The following RABGAP1L variants were observed in gnomAD, a reference collection of about 807,000 sequenced individuals.
The protein encoded by RABGAP1L is RAB GTPase activating protein 1 like, also known as rab GTPase-activating protein 1-like.
In RABGAP1L, 63 loss-of-function variants were observed where a neutral mutation model predicts 137.7. The ratio of observed to expected loss-of-function variants is 0.46; its 90% CI spans 0.37 to 0.56. The LOEUF (loss-of-function observed/expected upper bound fraction) is 0.56. Among genes scored for constraint, RABGAP1L ranks in the 20% least tolerant of loss-of-function variants. The probability of loss-of-function intolerance (pLI) is 0.00; values close to 1 mark genes in which losing one functional copy is unlikely to be tolerated. For missense variants in RABGAP1L, 1,095 were observed against 1,244.0 expected (o/e 0.88, Z 1.80); for synonymous variants, 431 against 433.7 (o/e 0.99, Z 0.08).
chr1:174,432,043 G>T (rs1445674695), intron 13 of RABGAP1L, among the ~76,000 whole-genome samples: 1 of 152,250 alleles, frequency 6.6e-6, no homozygotes, highest in East Asian at 1.9e-4. Context: ...GAGGTTTGGG[G>T]TATGGTTGAT....
chr1:174,702,055 C>G, intron 16 of RABGAP1L, 58 bp from the exon 17 acceptor site: 1 of 1,521,952 alleles, frequency 6.6e-7, no homozygotes. Flanking sequence ...GTGGCAGGAA[C>G]TTCATTGTTC....
At chr1:174,365,253 G>A (rs958570810) in intron 11 of RABGAP1L, 4 of 152,306 alleles carry the variant, frequency 2.6e-5, no homozygotes, top group African/African-American at 9.6e-5. Context: ...AATTGTAGGA[G>A]AACACCCGTT....
chr1:174,193,269 C>T (rs1242783038), intron 1 of RABGAP1L, among the ~76,000 whole-genome samples: 2 of 152,330 alleles, frequency 1.3e-5, no homozygotes, highest in East Asian at 1.9e-4. Context: ...CGGTGGCTCA[C>T]GCCTGTAATC....
intron 13 of RABGAP1L, among the ~76,000 whole-genome samples, chr1:174,422,052 A>G (rs1034951568): frequency 6.6e-6 from 1 of 152,118 alleles, no homozygotes; most frequent in Admixed American, 6.6e-5. Flanking sequence ...TACAGGTGTG[A>G]GCCAACACGC....
chr1:174,448,998 C>T lies in RABGAP1L; in HGVS notation c.1710+54853C>T. ...GAAAGCTCCCGGGTCTTGGACAATC[C>T]AACTCTGTCCTTCTTAACAACCTGG... On this transcript the variant is annotated intron_variant, in intron 13 of 25. Transcript: ENST00000681986. This position sits in a 1 kb window ranked among gnomAD's most constrained non-coding sequence, Gnocchi z 4.2. The T allele has an allele frequency of 6.2e-7, 1 of 1,613,066 alleles. No individual in the cohort carries two copies. Among genetic ancestry groups the T allele is most frequent in the East Asian group, 2.2e-5 (1 of 44,886 alleles).
At chr1:174,477,990 A>T (rs1266860238) in intron 13 of RABGAP1L, among the ~76,000 whole-genome samples, 1 of 152,116 alleles carries the variant, frequency 6.6e-6, no homozygotes, top group Non-Finnish European at 1.5e-5. Context: ...TAAACTAGTA[A>T]TAAGTTTTAT....
At chr1:174,192,882 C>A (rs1667310719) in intron 1 of RABGAP1L, among the ~76,000 whole-genome samples, 1 of 152,194 alleles carries the variant, frequency 6.6e-6, no homozygotes, top group Non-Finnish European at 1.5e-5. Flanking sequence ...CCTGACAATG[C>A]TGTCGTTACT....
At chr1:174,955,807 C>T (rs1307574174) in intron 19 of RABGAP1L, among the ~76,000 whole-genome samples, 1 of 152,136 alleles carries the variant, frequency 6.6e-6, no homozygotes, top group Non-Finnish European at 1.5e-5. Context: ...ATAGGCTAGG[C>T]ACAGTGGCTC....
chr1:174,637,545 C>G (rs926909963), intron 14 of RABGAP1L, 57 bp downstream of exon 14: 4 of 1,295,230 alleles, frequency 3.1e-6, no homozygotes, highest in Middle Eastern at 2.1e-4. Context: ...ATTTTAGAAA[C>G]CCATTTAAGG....
chr1:174,534,444 G>A (rs1409930048), intron 13 of RABGAP1L, among the ~76,000 whole-genome samples: 2 of 151,804 alleles, frequency 1.3e-5, no homozygotes, highest in East Asian at 3.9e-4. Context: ...TATAATGTTT[G>A]CACGGGAGAT....
chr1:174,164,791 T>A (rs1042082106), intron 1 of RABGAP1L, among the ~76,000 whole-genome samples: 1 of 152,240 alleles, frequency 6.6e-6, no homozygotes, highest in African/African-American at 2.4e-5. Flanking sequence ...ACCCAGCTAA[T>A]GGATTATAGC....
chr1:174,232,813 C>T (rs1052664245), intron 4 of RABGAP1L, among the ~76,000 whole-genome samples: 2 of 151,810 alleles, frequency 1.3e-5, no homozygotes, highest in African/African-American at 4.8e-5. Context: ...TTCGGCCTTT[C>T]CCTCAGTCAC....
intron 19 of RABGAP1L, chr1:174,945,434 A>C (rs2149305393): frequency 6.6e-6 from 1 of 152,346 alleles, no homozygotes; most frequent in South Asian, 2.1e-4. Flanking sequence ...ATGGTATACT[A>C]ACTTGATATT....
intron 13 of RABGAP1L, among the ~76,000 whole-genome samples, chr1:174,635,231 TTCTC>T (rs1403372078): frequency 6.6e-6 from 1 of 152,144 alleles, no homozygotes; most frequent in Non-Finnish European, 1.5e-5. Flanking sequence ...GTCCAACGAT[TTCTC>T]TCTCTTAATG....
At chr1:174,739,060 A>G (rs1466616055) in intron 17 of RABGAP1L, among the ~76,000 whole-genome samples, 1 of 152,172 alleles carries the variant, frequency 6.6e-6, no homozygotes, top group Non-Finnish European at 1.5e-5. Flanking sequence ...TGTGATTTCT[A>G]GTATAACTGC....
chr1:174,635,343 A>G (rs1017955860), intron 13 of RABGAP1L, among the ~76,000 whole-genome samples: 1 of 152,126 alleles, frequency 6.6e-6, no homozygotes, highest in Non-Finnish European at 1.5e-5. Context: ...TTTATTCCTC[A>G]TCTTTCAGGT....
rs1017675310 is a variant in RABGAP1L at position 174,305,009 on chromosome 1, T to C, written c.1347T>C (p.Asn449=). ...LKQSEGKGHT[N]AGDAIYEVVS... Reference sequence around the variant, plus strand: ...AGTCTGAGGGAAAAGGCCATACCAATGCTGGAGATGCAATATATGAGGTGG... The same window carrying C: ...AGTCTGAGGGAAAAGGCCATACCAACGCTGGAGATGCAATATATGAGGTGG... The change falls in exon 11 of 26, where the codon AAT becomes AAC. Residue 449 remains asparagine (N), a synonymous_variant. Coordinates refer to ENST00000681986, the MANE Select transcript of RABGAP1L (RefSeq NM_001366446.1). 6.4e-7 allele frequency: 1 copy of C among 1,557,922 alleles called. No individual in the cohort carries two copies.
chr1:174,324,595 A>G (rs1026941218), intron 11 of RABGAP1L, among the ~76,000 whole-genome samples: 7 of 152,216 alleles, frequency 4.6e-5, no homozygotes, highest in Non-Finnish European at 1.0e-4. Context: ...AGTCATCAGT[A>G]TGAAGCAATG....
At chr1:174,256,931 C>T (rs1298773975) in intron 7 of RABGAP1L, among the ~76,000 whole-genome samples, 2 of 152,080 alleles carry the variant, frequency 1.3e-5, no homozygotes, top group South Asian at 2.1e-4. Flanking sequence ...CAACTCTTGC[C>T]TTCTCTCTAC....
Sources: allele counts gnomAD v4.1 joint callset (sites outside exome capture counted in the v4.1 genomes callset), GRCh38; gene constraint gnomAD v4.1.1; non-coding constraint Gnocchi (gnomAD v3.1); transcripts MANE v1.5; gene names NCBI Gene and HGNC (gene_info 2026-07-23, HGNC 2026-07-21).